PLEKHH2: variants seen among roughly 807,000 people sequenced by gnomAD.
PLEKHH2 encodes pleckstrin homology domain-containing family H member 2.
In PLEKHH2, 129 loss-of-function variants were observed where a neutral mutation model predicts 187.9. The observed-to-expected ratio is 0.69, with a 90% CI of 0.59 to 0.79. The LOEUF (loss-of-function observed/expected upper bound fraction) is 0.79, where lower values mean the gene tolerates loss of function less well. Ranked by LOEUF, PLEKHH2 falls within the 30% of genes least tolerant of loss-of-function variation. PLEKHH2 has a pLI of 0.00. For synonymous variants in PLEKHH2, 686 were observed against 605.6 expected (o/e 1.13, Z -1.95); for missense variants, 2,076 against 1,751.2 (o/e 1.19, Z -3.31).
chr2:43,689,655 G>C (rs551720192), intron 3 of PLEKHH2, among the ~76,000 whole-genome samples: 1 of 152,136 alleles, frequency 6.6e-6, no homozygotes, highest in South Asian at 2.1e-4. Context: ...TGGTAAGTAG[G>C]TTGCTTGTAA....
intron 3 of PLEKHH2, among the ~76,000 whole-genome samples, chr2:43,683,784 CT>C (rs569473543): frequency 1.0e-4 from 15 of 148,080 alleles, no homozygotes; most frequent in Admixed American, 1.3e-4. Context: ...CTCTCTCTCT[CT>C]TTTTTTTTTG....
At chr2:43,728,955 C>G (rs1184967654) in intron 17 of PLEKHH2, among the ~76,000 whole-genome samples, 1 of 152,088 alleles carries the variant, frequency 6.6e-6, no homozygotes, top group Non-Finnish European at 1.5e-5. Flanking sequence ...ATAGCTGTCA[C>G]AGTATTTTTT....
At position 43,710,048 on chromosome 2, in the gene PLEKHH2, C is replaced by T. The variant is rs1669876794; in HGVS notation, c.2025C>T (p.Tyr675=). The T allele has an allele frequency of 1.2e-6, 2 of 1,613,244 alleles. No homozygotes were observed. The highest frequency in any genetic ancestry group is 1.1e-5 in the South Asian group (1 of 91,054). Residue 675 remains tyrosine, a synonymous_variant, in exon 12 of 30, where the codon TAC becomes TAT. Transcript: ENST00000282406. ...ATTATGCTATTCCTCCTGATGCTTA[C>T]TCCACAGACACGGAGTACTCACAGC... The part of the protein sequence containing the change: ...ESDYAIPPDA[Y]STDTEYSQPE...
intron 16 of PLEKHH2, 92 bp downstream of exon 16, chr2:43,720,841 A>G (rs1670446077): frequency 6.7e-7 from 1 of 1,489,586 alleles, no homozygotes. Flanking sequence ...ACTTTGTAAA[A>G]CTTCAGAATC....
chr2:43,739,280 T>G (rs551408456), intron 20 of PLEKHH2, among the ~76,000 whole-genome samples: 5 of 152,316 alleles, frequency 3.3e-5, no homozygotes, highest in Non-Finnish European at 7.4e-5. Flanking sequence ...CAGTATATTT[T>G]AAATTCTTAC....
rs1572541158 is a variant in PLEKHH2 at position 43,679,795 on chromosome 2, T to G, written c.186+870T>G. ...ATGAGGTATTGTGCCTGGCCCCCTA[T>G]ATTTTCATACTTTGAGTTTTTTAAT... is the stretch of plus-strand genomic sequence containing the variant. On this transcript the variant is annotated intron_variant, in intron 3 of 29. Transcript: ENST00000282406. Among the ~76,000 whole-genome samples the G allele has an allele frequency of 2.0e-5, 3 of 152,270 alleles. No individual in the cohort carries two copies. The South Asian group carries it at 6.2e-4, about 32-fold the overall frequency.
chr2:43,705,928 A>G (rs1246746543), intron 9 of PLEKHH2, among the ~76,000 whole-genome samples: 1 of 152,164 alleles, frequency 6.6e-6, no homozygotes, highest in Non-Finnish European at 1.5e-5. Flanking sequence ...TTTTGATACC[A>G]TGCTGGTAAT....
In PLEKHH2 at chr2:43,710,210, T is replaced by C; in HGVS notation, c.2104-10T>C. The C allele has an allele frequency of 2.5e-6, 4 of 1,612,858 alleles. No homozygotes were observed. Among genetic ancestry groups the C allele is most frequent in the Non-Finnish European group, 3.4e-6 (4 of 1,179,274 alleles). On this transcript the variant is annotated splice_polypyrimidine_tract_variant and intron_variant, in intron 12 of 29. Transcript: ENST00000282406. ...ACTGAAAATGCTTTTGTCTATCTTT[T>C]AAAAATTAGGAACCACTGGAAAAAT...
At chr2:43,637,774 C>T (rs1703184101) in intron 1 of PLEKHH2, among the ~76,000 whole-genome samples, 1 of 152,168 alleles carries the variant, frequency 6.6e-6, no homozygotes, top group Non-Finnish European at 1.5e-5. Flanking sequence ...AGGGATGCCG[C>T]GCTCGCCTTA....
chr2:43,699,784 T>G lies in PLEKHH2; in HGVS notation c.826T>G (p.Ser276Ala). 6.2e-7 allele frequency: 1 copy of G among 1,614,112 alleles called. No homozygotes were observed. Among genetic ancestry groups the G allele is most frequent in the Non-Finnish European group, 8.5e-7 (1 of 1,180,010 alleles). ...RTSFATDGGI[S>A]QNSGAPVSDW... The stretch of plus-strand genomic sequence containing the variant: ...AAGCTTTGCCACAGATGGTGGCATC[T>G]CCCAGAATTCTGGGGCTCCTGTGAG... The change falls in exon 8 of 30, where the codon TCC (serine) becomes GCC (alanine). Residue 276 changes from serine (S) to alanine (A), a missense_variant. By Grantham distance (99) the Ser-to-Ala change is moderately conservative. Coordinates refer to ENST00000282406, the MANE Select transcript of PLEKHH2 (RefSeq NM_172069.4).
At chr2:43,755,021 C>CA (rs1431464266) in intron 25 of PLEKHH2, among the ~76,000 whole-genome samples, 1 of 151,910 alleles carries the variant, frequency 6.6e-6, no homozygotes, top group African/African-American at 2.4e-5. Context: ...TATAGGCACT[C>CA]ACCACCATGC....
chr2:43,734,089 T>G lies in PLEKHH2; in HGVS notation c.2943+2487T>G, dbSNP rs528256217. Among the ~76,000 whole-genome samples, 3 of 152,344 alleles carry G rather than the reference T, an allele frequency of 2.0e-5. No individual in the cohort carries two copies. The South Asian group carries it at 6.2e-4, about 32-fold the overall frequency. ...AAGGAACTTTTCTAAATTCAATTTT[T>G]TCTTTTACTTTTTACTTGGGACAAT... On this transcript the variant is annotated intron_variant, in intron 19 of 29. Coordinates refer to ENST00000282406, the MANE Select transcript of PLEKHH2 (RefSeq NM_172069.4).
At chr2:43,745,620 TC>T (rs1268062621) in intron 23 of PLEKHH2, among the ~76,000 whole-genome samples, 1 of 152,200 alleles carries the variant, frequency 6.6e-6, no homozygotes, top group African/African-American at 2.4e-5. Flanking sequence ...ACATTACAGT[TC>T]CTTTTTGAGT....
chr2:43,728,851 C>T (rs1373517219), intron 17 of PLEKHH2, among the ~76,000 whole-genome samples: 2 of 151,990 alleles, frequency 1.3e-5, no homozygotes, highest in Admixed American at 6.6e-5. Flanking sequence ...CATGAGCCAC[C>T]GTGCCCGGCC....
At chr2:43,751,566 C>T (rs80110870) in intron 24 of PLEKHH2, among the ~76,000 whole-genome samples, 86 of 152,310 alleles carry the variant, frequency 5.6e-4, no homozygotes, top group African/African-American at 1.9e-3. Flanking sequence ...TCCACAGTGA[C>T]GCAATTTCCA....
intron 8 of PLEKHH2, 35 bp from the exon 9 acceptor site, chr2:43,703,946 T>TTTTTTTA: frequency 1.6e-6 from 1 of 618,594 alleles, no homozygotes; most frequent in Non-Finnish European, 2.7e-6. Context: ...TTTTTTGCTT[T>TTTTTTTA]AAATACCCTG....
chr2:43,711,456 C>T, intron 14 of PLEKHH2: 2 of 970,164 alleles, frequency 2.1e-6, no homozygotes, highest in Non-Finnish European at 2.5e-6. Flanking sequence ...ATGTTCGTTC[C>T]AATAATTTAT....
intron 24 of PLEKHH2, among the ~76,000 whole-genome samples, chr2:43,751,922 C>CT (rs1377966535): frequency 2.7e-5 from 4 of 145,994 alleles, no homozygotes; most frequent in Non-Finnish European, 5.9e-5. Flanking sequence ...TTCTCTCTCT[C>CT]TCTCTTTTTT....
chr2:43,720,435 A>G (rs1206739428), intron 15 of PLEKHH2, among the ~76,000 whole-genome samples: 1 of 152,000 alleles, frequency 6.6e-6, no homozygotes, highest in East Asian at 1.9e-4. Context: ...TAACCCAGCC[A>G]CCCCGGTGCC....
Sources: allele counts gnomAD v4.1 joint callset (sites outside exome capture counted in the v4.1 genomes callset), GRCh38; gene constraint gnomAD v4.1.1; transcripts MANE v1.5; gene names NCBI Gene and HGNC (gene_info 2026-07-23, HGNC 2026-07-21).